Variants in RGS6 observed in about 807,000 individuals in gnomAD.
The protein encoded by RGS6 is regulator of G protein signaling 6.
In RGS6, 30 loss-of-function variants were observed where a neutral mutation model predicts 78.5. The observed-to-expected ratio is 0.38, with a 90% CI of 0.29 to 0.52. The LOEUF is 0.52. Ranked by LOEUF, RGS6 falls within the 20% of genes least tolerant of loss-of-function variation. The pLI, the probability that RGS6 is intolerant of heterozygous loss-of-function variation, is 0.85. For missense variants in RGS6, 495 were observed against 609.7 expected, an observed-to-expected ratio of 0.81 and a Z score of 1.98; for synonymous variants, 206 against 206.0, an observed-to-expected ratio of 1.00 and a Z score of 0.00.
At chr14:72,453,432 G>A (rs548337396) in intron 3 of RGS6, among the ~76,000 whole-genome samples, 87 of 150,600 alleles carry the variant, frequency 5.8e-4, no homozygotes, top group Middle Eastern at 3.4e-3. Flanking sequence ...CGGCTAAAAC[G>A]GTGAAACCCC....
intron 2 of RGS6, among the ~76,000 whole-genome samples, chr14:72,343,387 A>T (rs539934032): frequency 1.2e-4 from 19 of 152,284 alleles, no homozygotes; most frequent in Admixed American, 4.6e-4. Context: ...ATCTGTCTCT[A>T]ACCAACTATA....
chr14:72,534,056 T>C (rs2097214604), intron 15 of RGS6, among the ~76,000 whole-genome samples: 1 of 152,230 alleles, frequency 6.6e-6, no homozygotes, highest in Non-Finnish European at 1.5e-5. Context: ...GAGAAATCTG[T>C]TGCGAAAGGA....
At chr14:71,942,739 T>A (rs974862066) in intron 1 of RGS6, among the ~76,000 whole-genome samples, 9 of 152,324 alleles carry the variant, frequency 5.9e-5, no homozygotes, top group African/African-American at 1.9e-4. Flanking sequence ...GGCTACCTTT[T>A]ATATAGAAAA....
intron 2 of RGS6, among the ~76,000 whole-genome samples, chr14:72,162,019 T>C (rs1034969871): frequency 1.3e-5 from 2 of 152,204 alleles, no homozygotes; most frequent in Non-Finnish European, 2.9e-5. Flanking sequence ...AAGGGCAAGA[T>C]TAATAGTAGA....
At chr14:72,550,995 A>G (rs375180438) in intron 17 of RGS6, among the ~76,000 whole-genome samples, 2 of 152,206 alleles carry the variant, frequency 1.3e-5, no homozygotes, top group East Asian at 3.9e-4. Flanking sequence ...CTGCACCACC[A>G]CACTCAACTA....
intron 3 of RGS6, among the ~76,000 whole-genome samples, chr14:72,378,483 CTCAAA>C (rs1479736244): frequency 6.6e-6 from 1 of 151,690 alleles, no homozygotes; most frequent in Non-Finnish European, 1.5e-5. Context: ...AAAGAGAAGA[CTCAAA>C]TAAATCAGAA....
chr14:71,874,553 G>A, the RGS6 span, among the ~76,000 whole-genome samples: 1 of 152,190 alleles, frequency 6.6e-6, no homozygotes, highest in Admixed American at 6.5e-5. Context: ...CTGAGAAAAT[G>A]GGATTTTCTA....
At chr14:71,922,522 A>G in the RGS6 span, among the ~76,000 whole-genome samples, 3 of 152,228 alleles carry the variant, frequency 2.0e-5, no homozygotes, top group African/African-American at 7.2e-5. Flanking sequence ...ATCATGGCCT[A>G]TGTTAACATC....
chr14:72,478,339 C>G lies in RGS6; in HGVS notation c.854+10C>G, dbSNP rs1248643675. Reference sequence around the variant, plus strand: ...CCAAAGTGGCTGAAAGGTATGTTTTCCTTTAATAATATTACTACTTTCTTC... The same window carrying G: ...CCAAAGTGGCTGAAAGGTATGTTTTGCTTTAATAATATTACTACTTTCTTC... On this transcript the variant is annotated intron_variant, in intron 12 of 17. Transcript: ENST00000553525. 1.3e-6 allele frequency: 2 copies of G among 1,568,476 alleles called. No homozygotes were observed. The highest frequency in any genetic ancestry group is 1.8e-6 in the Non-Finnish European group (2 of 1,139,914).
At chr14:72,120,752 T>A (rs1459360011) in intron 2 of RGS6, among the ~76,000 whole-genome samples, 1 of 152,162 alleles carries the variant, frequency 6.6e-6, no homozygotes, top group South Asian at 2.1e-4. Context: ...GTAAAACGAA[T>A]CTAGGGGGAA....
intron 2 of RGS6, among the ~76,000 whole-genome samples, chr14:72,053,985 G>A (rs559825683): frequency 1.3e-5 from 2 of 152,186 alleles, no homozygotes; most frequent in Non-Finnish European, 2.9e-5. Flanking sequence ...AAGACCGAAT[G>A]GTTGAGATTA....
chr14:72,507,888 G>A (rs2096828732), intron 13 of RGS6, among the ~76,000 whole-genome samples: 1 of 152,222 alleles, frequency 6.6e-6, no homozygotes, highest in African/African-American at 2.4e-5. Context: ...GACCTTGGCA[G>A]AAAGAGACAA....
At chr14:72,129,704 T>C (rs1200245772) in intron 2 of RGS6, among the ~76,000 whole-genome samples, 1 of 152,104 alleles carries the variant, frequency 6.6e-6, no homozygotes, top group African/African-American at 2.4e-5. Context: ...ACTTCTAACA[T>C]AGTGTGGCTC....
At chr14:72,079,495 T>G (rs892256724) in intron 2 of RGS6, among the ~76,000 whole-genome samples, 3 of 152,234 alleles carry the variant, frequency 2.0e-5, no homozygotes, top group African/African-American at 7.2e-5. Flanking sequence ...TAAGGTAAGC[T>G]AATTAACACA....
intron 2 of RGS6, among the ~76,000 whole-genome samples, chr14:72,140,758 C>T (rs929103397): frequency 6.6e-6 from 1 of 152,208 alleles, no homozygotes. Context: ...GTGCTGGTTG[C>T]TTGTCTTGGC....
chr14:72,584,282 C>T, the RGS6 span, among the ~76,000 whole-genome samples: 1 of 152,186 alleles, frequency 6.6e-6, no homozygotes, highest in African/African-American at 2.4e-5. Context: ...ACTCTGGGAG[C>T]TGGGGACAGA....
At chr14:71,949,645 A>G (rs1257541280) in intron 1 of RGS6, among the ~76,000 whole-genome samples, 1 of 152,056 alleles carries the variant, frequency 6.6e-6, no homozygotes, top group African/African-American at 2.4e-5. Context: ...CTTTTGATGA[A>G]TTGGAGATCT....
chr14:71,881,465 C>A, the RGS6 span, among the ~76,000 whole-genome samples: 3 of 152,134 alleles, frequency 2.0e-5, no homozygotes, highest in Non-Finnish European at 4.4e-5. Flanking sequence ...GTGGGAGGGA[C>A]CTGGTGGGAG....
chr14:72,117,436 C>A (rs565346957), intron 2 of RGS6, among the ~76,000 whole-genome samples: 20 of 152,096 alleles, frequency 1.3e-4, no homozygotes, highest in Non-Finnish European at 2.2e-4. Context: ...GGCTCCCCCC[C>A]ACCCTTCACC....
Sources: gnomAD v4.1 joint callset for allele counts (sites outside exome capture counted in the v4.1 genomes callset) on GRCh38, gnomAD v4.1.1 for gene constraint, MANE v1.5 for transcripts, NCBI Gene and HGNC (gene_info 2026-07-23, HGNC 2026-07-21) for gene names.